The following RAD21 variants were observed in gnomAD, a reference collection of about 807,000 sequenced individuals.
RAD21 encodes the protein RAD21 cohesin complex component, also known as double-strand-break repair protein rad21 homolog.
In RAD21, 18 loss-of-function variants were observed where a neutral mutation model predicts 71.5. The ratio of observed to expected loss-of-function variants is 0.25; its 90% CI spans 0.17 to 0.37. RAD21 has a LOEUF of 0.37. Among genes scored for constraint, RAD21 ranks in the 10% least tolerant of loss-of-function variants. RAD21 has a pLI of 1.00. For missense variants in RAD21, 493 were observed against 769.1 expected, an observed-to-expected ratio of 0.64 and a Z score of 4.25; for synonymous variants, 248 against 254.0, an observed-to-expected ratio of 0.98 and a Z score of 0.22.
intron 2 of RAD21, among the ~76,000 whole-genome samples, chr8:116,865,478 A>G (rs3020125): frequency 0.087 from 13,246 of 152,228 alleles, 1,152 homozygotes; most frequent in African/African-American, 0.22. Context: ...CAATTTGACC[A>G]GCAGTGCAAA....
intron 8 of RAD21, among the ~76,000 whole-genome samples, chr8:116,855,943 A>G (rs1426122476): frequency 1.3e-5 from 2 of 152,156 alleles, no homozygotes; most frequent in East Asian, 3.9e-4. Flanking sequence ...ACTCAAAATT[A>G]TAATTGGATA....
At chr8:116,857,579 A>C in intron 5 of RAD21, 106 bp from the exon 6 acceptor site, 2 of 946,952 alleles carry the variant, frequency 2.1e-6, no homozygotes, top group Non-Finnish European at 3.1e-6. Context: ...TTGCTTACTG[A>C]AGTCTTACTT....
chr8:116,856,780 G>A lies in RAD21; in HGVS notation c.689-9C>T. ...ACTAATAAGTTTGTCATCTGAAATA[G>A]GGAATGTAAGTTAGTTATAATTTGA... On this transcript the variant is annotated splice_polypyrimidine_tract_variant and intron_variant, in intron 6 of 13. Transcript: ENST00000297338. The A allele has an allele frequency of 2.0e-6, 3 of 1,489,970 alleles. No homozygotes were observed. The highest frequency in any genetic ancestry group is 2.4e-5 in the East Asian group (1 of 40,998). 92.3% of individuals were successfully genotyped at this position (1,489,970 alleles called of 1,614,324 possible).
chr8:116,849,416 C>G (rs909460028), intron 12 of RAD21: 4 of 178,050 alleles, frequency 2.2e-5, no homozygotes, highest in Admixed American at 6.2e-5. Flanking sequence ...TTTATTTCAA[C>G]TAAATATACA....
intron 1 of RAD21, among the ~76,000 whole-genome samples, chr8:116,870,939 G>A (rs777398382): frequency 1.3e-5 from 2 of 152,148 alleles, no homozygotes; most frequent in African/African-American, 2.4e-5. Context: ...TCAGAGCACC[G>A]TGCCTAAAAT....
At chr8:116,855,711 T>G (rs1002815758) in intron 8 of RAD21, among the ~76,000 whole-genome samples, 1 of 151,932 alleles carries the variant, frequency 6.6e-6, no homozygotes, top group Non-Finnish European at 1.5e-5. Flanking sequence ...TAGTTTTGTT[T>G]TTTTTTTAAA....
At chr8:116,862,974 C>T in intron 3 of RAD21, 156 bp downstream of exon 3, 1 of 917,806 alleles carries the variant, frequency 1.1e-6, no homozygotes, top group Non-Finnish European at 1.5e-6. Context: ...GAAGCACTGC[C>T]TCCCCAAGCC....
At chr8:116,869,481 T>C (rs1326293697) in intron 1 of RAD21, among the ~76,000 whole-genome samples, 3 of 151,940 alleles carry the variant, frequency 2.0e-5, no homozygotes, top group African/African-American at 7.3e-5. Context: ...GCTACTCAGG[T>C]GGCTGAGGCA....
intron 7 of RAD21, 78 bp downstream of exon 7, chr8:116,856,568 G>C: frequency 1.4e-6 from 2 of 1,413,390 alleles, no homozygotes; most frequent in South Asian, 1.6e-5. Flanking sequence ...ACAACTTTTA[G>C]TTTGTCATCT....
rs762491435 is a variant in RAD21, at chr8:116,863,264, G to A, written c.145-5C>T. 1.2e-6 allele frequency: 2 copies of A among 1,606,234 alleles called. No individual in the cohort carries two copies. Among genetic ancestry groups the A allele is most frequent in the Non-Finnish European group, 8.5e-7 (1 of 1,175,086 alleles). On this transcript the variant is annotated splice_polypyrimidine_tract_variant and splice_region_variant and intron_variant, in intron 2 of 13. Transcript: ENST00000297338. ...TGTCCGTAATGCCATTTTCACCTATGAATAAAACATTAATCATATTCCAAA... is the reference window on the plus strand; with the variant it reads ...TGTCCGTAATGCCATTTTCACCTATAAATAAAACATTAATCATATTCCAAA...
At chr8:116,863,095 C>CAAT in intron 3 of RAD21, 35 bp downstream of exon 3, 1 of 1,570,038 alleles carries the variant, frequency 6.4e-7, no homozygotes, top group African/African-American at 1.4e-5. Flanking sequence ...CCAAAGTAAA[C>CAAT]AACAACAACA....
At chr8:116,856,542 T>C in intron 7 of RAD21, 104 bp downstream of exon 7, 1 of 1,309,616 alleles carries the variant, frequency 7.6e-7, no homozygotes, top group Non-Finnish European at 1.0e-6. Context: ...AAGATATTTA[T>C]AATTCACTAA....
chr8:116,852,814 T>C, intron 9 of RAD21, 106 bp from the exon 10 acceptor site: 1 of 796,870 alleles, frequency 1.3e-6, no homozygotes, highest in Non-Finnish European at 1.7e-6. Flanking sequence ...AATATAAGTG[T>C]ATAATTTAGC....
chr8:116,871,082 G>C (rs925851962), intron 1 of RAD21, among the ~76,000 whole-genome samples: 1 of 152,182 alleles, frequency 6.6e-6, no homozygotes, highest in Non-Finnish European at 1.5e-5. Context: ...AATAACTAAA[G>C]GAAGCCAAAG....
At chr8:116,854,047 C>T (rs745990821) in intron 9 of RAD21, among the ~76,000 whole-genome samples, 198 bp downstream of exon 9, 1 of 147,486 alleles carries the variant, frequency 6.8e-6, no homozygotes, top group Non-Finnish European at 1.5e-5. Context: ...CATTTTACAT[C>T]TTTTAGAAAT....
chr8:116,852,243 ATTTACTCAATT>A (rs1812365189), intron 10 of RAD21, 147 bp from the exon 11 acceptor site: 1 of 803,632 alleles, frequency 1.2e-6, no homozygotes, highest in African/African-American at 1.7e-5. Flanking sequence ...CTCCATAAAG[ATTTACTCAATT>A]TTTAGCAATA....
At chr8:116,851,229 A>G (rs1029407089) in intron 11 of RAD21, 25 of 152,536 alleles carry the variant, frequency 1.6e-4, no homozygotes, top group Admixed American at 1.4e-3. Flanking sequence ...TCTTTAAAAG[A>G]AACTAAAGAA....
At chr8:116,862,051 A>G in intron 3 of RAD21, 111 bp from the exon 4 acceptor site, 2 of 761,354 alleles carry the variant, frequency 2.6e-6, no homozygotes, top group South Asian at 1.6e-5. Context: ...AGAAAGGTTG[A>G]TAACATATGC....
In RAD21 at chr8:116,856,720, G is replaced by C; in HGVS notation, c.740C>G (p.Ala247Gly). 6.3e-7 allele frequency: 1 copy of C among 1,576,126 alleles called. No individual in the cohort carries two copies. The highest frequency in any genetic ancestry group is 8.6e-7 in the Non-Finnish European group (1 of 1,159,792). The change falls in exon 7 of 14, where the codon GCC (alanine) becomes GGC (glycine). Residue 247 changes from alanine (A) to glycine (G), a missense_variant. Physicochemically the swap from Ala to Gly is moderately conservative, Grantham distance 60. Coordinates refer to ENST00000297338, the MANE Select transcript of RAD21 (RefSeq NM_006265.3). Reference protein sequence around the residue: ...NDGGIFDDPPALSEAGVMLPE... With the variant: ...NDGGIFDDPPGLSEAGVMLPE... The stretch of plus-strand genomic sequence containing the variant: ...CAACATCACCCCTGCCTCAGAGAGG[G>C]CAGGGGGATCATCAAAGATACCGCC...
Sources: allele counts gnomAD v4.1 joint callset (sites outside exome capture counted in the v4.1 genomes callset), GRCh38; gene constraint gnomAD v4.1.1; transcripts MANE v1.5; gene names NCBI Gene and HGNC (gene_info 2026-07-23, HGNC 2026-07-21).